The following ECT2 variants were observed in gnomAD, a reference collection of about 807,000 sequenced individuals.
ECT2 encodes epithelial cell transforming 2, also known as protein ECT2.
A neutral mutation model predicts 116.9 loss-of-function variants in ECT2; 61 were observed. The ratio of observed to expected loss-of-function variants is 0.52; its 90% CI spans 0.42 to 0.65. ECT2 has a LOEUF of 0.65. Ranked by LOEUF, ECT2 falls within the 30% of genes least tolerant of loss-of-function variation. ECT2 has a pLI of 0.00. For synonymous variants in ECT2, 358 were observed against 346.4 expected (o/e 1.03, Z -0.37); for missense variants, 937 against 1,078.7 (o/e 0.87, Z 1.84).
rs757872372 is a variant in ECT2 at position 172,754,611 on chromosome 3, T to A, written c.81T>A (p.Thr27=). The A allele has an allele frequency of 2.5e-6, 4 of 1,612,064 alleles. No individual in the cohort carries two copies. The Admixed American group carries it at 5.0e-5, about 20-fold the overall frequency. ...ADSSIFDSKV[T]EISKENLLIG... ...CTTCCATTTTTGATTCTAAAGTTAC[T>A]GAGATTTCCAAGGAAAACTTACTTA... The change falls in exon 2 of 25, where the codon ACT becomes ACA. Residue 27 remains threonine, a synonymous_variant. Coordinates refer to ENST00000392692, the MANE Select transcript of ECT2 (RefSeq NM_001258315.2).
At chr3:172,802,558 GTGTT>G in intron 18 of ECT2, 54 bp from the exon 19 acceptor site, 2 of 1,053,442 alleles carry the variant, frequency 1.9e-6, no homozygotes, top group South Asian at 1.5e-5. Flanking sequence ...GACATGAGTT[GTGTT>G]TGTTGTAGTT....
At chr3:172,789,183 A>T (rs1371356551) in intron 18 of ECT2, among the ~76,000 whole-genome samples, 1 of 148,046 alleles carries the variant, frequency 6.8e-6, no homozygotes, top group Non-Finnish European at 1.5e-5. Flanking sequence ...GAAGGCTGGG[A>T]TGGCTGTGGT....
intron 14 of ECT2, among the ~76,000 whole-genome samples, chr3:172,780,912 G>C (rs890319519): frequency 2.6e-5 from 4 of 151,882 alleles, no homozygotes; most frequent in African/African-American, 9.7e-5. Context: ...GAGTTGTAAG[G>C]GTTCTCTGTA....
At chr3:172,754,024 A>G (rs1015192795) in intron 1 of ECT2, among the ~76,000 whole-genome samples, 2 of 152,148 alleles carry the variant, frequency 1.3e-5, no homozygotes, top group Non-Finnish European at 2.9e-5. Flanking sequence ...CATTGAACGT[A>G]TAGAGAAGGG....
Position 172,768,322 on chromosome 3 carries a change from G to A in ECT2, c.1292-685G>A, listed in dbSNP as rs550615112. ...CAAAGATTCCTATACCTTTTACCCA[G>A]ATTTCCCAAAGGGACATATTCTGCC... On this transcript the variant is annotated intron_variant, in intron 12 of 24. Coordinates refer to ENST00000392692, the MANE Select transcript of ECT2 (RefSeq NM_001258315.2). 2.0e-5 allele frequency among the ~76,000 whole-genome samples: 3 copies of A among 152,016 alleles called. No individual in the cohort carries two copies. The East Asian group carries it at 5.8e-4, about 29-fold the overall frequency.
At chr3:172,759,169 A>T (rs1354983131) in intron 6 of ECT2, 100 bp downstream of exon 6, 1 of 788,868 alleles carries the variant, frequency 1.3e-6, no homozygotes, top group Non-Finnish European at 2.0e-6. Flanking sequence ...TTTTTAAAAT[A>T]TTGAAGGATA....
chr3:172,755,275 A>AACATTTT lies in ECT2; in HGVS notation c.131-11_131-5dup. The AACATTTT allele has an allele frequency of 6.3e-7, 1 of 1,579,412 alleles. No individual in the cohort carries two copies. Among genetic ancestry groups the AACATTTT allele is most frequent in the Non-Finnish European group, 8.6e-7 (1 of 1,166,118 alleles). On this transcript the variant is annotated intron_variant, in intron 2 of 24. Transcript: ENST00000392692. Reference sequence around the variant, plus strand: ...GATGTTAATACATGATAAACATTGAAACATTTTACATTTTAACAGAAGAGA... The same window carrying AACATTTT: ...GATGTTAATACATGATAAACATTGAAACATTTTACATTTTACATTTTAACAGAAGAGA...
intron 18 of ECT2, among the ~76,000 whole-genome samples, chr3:172,799,568 T>C (rs1278875026): frequency 6.6e-6 from 1 of 152,224 alleles, no homozygotes; most frequent in Non-Finnish European, 1.5e-5. Context: ...CTAGTAACTT[T>C]AGCAATATCT....
intron 22 of ECT2, among the ~76,000 whole-genome samples, chr3:172,812,210 A>G (rs964383060): frequency 2.0e-5 from 3 of 152,092 alleles, no homozygotes; most frequent in African/African-American, 7.2e-5. Flanking sequence ...CTGGTCTTGA[A>G]TTTGTGGCTT....
In ECT2 at chr3:172,816,706, T is replaced by C; in HGVS notation, c.2524T>C (p.Ser842Pro). Residue 842 changes from serine to proline, a missense_variant, in exon 24 of 25, where the codon TCT (serine) becomes CCT (proline). Transcript: ENST00000392692. ...KTSKKVTRAF[S>P]FSKTPKRALR... ...TAAACTCTAGGTTACAAGAGCATTC[T>C]CTTTCTCCAAAACTCCAAAAAGAGC... 6.2e-7 allele frequency: 1 copy of C among 1,601,930 alleles called. No individual in the cohort carries two copies. The highest frequency in any genetic ancestry group is 1.1e-5 in the South Asian group (1 of 89,658).
At chr3:172,790,405 G>T (rs1348979107) in intron 18 of ECT2, among the ~76,000 whole-genome samples, 1 of 152,202 alleles carries the variant, frequency 6.6e-6, no homozygotes, top group African/African-American at 2.4e-5. Context: ...GGCCTGCTTT[G>T]TAACACACCA....
chr3:172,760,364 G>A (rs1188842874), intron 7 of ECT2, 101 bp downstream of exon 7: 1 of 595,656 alleles, frequency 1.7e-6, no homozygotes, highest in Admixed American at 3.8e-5. Context: ...AATTAAAGAA[G>A]AGAAACTCAA....
chr3:172,757,707 G>A (rs945900294), intron 5 of ECT2, among the ~76,000 whole-genome samples: 6 of 152,092 alleles, frequency 3.9e-5, no homozygotes, highest in African/African-American at 9.7e-5. Flanking sequence ...GAGCCACTGC[G>A]CCTGGCGTAT....
chr3:172,755,145 A>G, intron 2 of ECT2, 150 bp from the exon 3 acceptor site: 1 of 538,570 alleles, frequency 1.9e-6, no homozygotes, highest in Non-Finnish European at 3.2e-6. Flanking sequence ...TTTTTGTAAT[A>G]AGTTGGGAGT....
At chr3:172,788,145 C>T (rs960338561) in intron 18 of ECT2, among the ~76,000 whole-genome samples, 1 of 152,034 alleles carries the variant, frequency 6.6e-6, no homozygotes, top group Non-Finnish European at 1.5e-5. Flanking sequence ...TCTAAATTCT[C>T]GAGATTCTTG....
At chr3:172,823,451 G>GAC (rs1432962995), downstream of ECT2, among the ~76,000 whole-genome samples, 1 of 152,074 alleles carries the variant, frequency 6.6e-6, no homozygotes, top group Non-Finnish European at 1.5e-5. Flanking sequence ...CTAAATATTT[G>GAC]ACAGTGTTTC....
intron 7 of ECT2, among the ~76,000 whole-genome samples, chr3:172,761,317 C>G (rs1718245186): frequency 6.6e-6 from 1 of 151,936 alleles, no homozygotes; most frequent in Non-Finnish European, 1.5e-5. Flanking sequence ...GAGGGTCATA[C>G]TTTCAAGGAA....
Position 172,807,927 on chromosome 3 carries a change from A to G in ECT2, c.2400+3A>G. On this transcript the variant is annotated splice_donor_region_variant and intron_variant, in intron 22 of 24. Transcript: ENST00000392692. Reference sequence around the variant, plus strand: ...ACACCATTTGTAAAGCAGATGCTGTAAGTTCTTAAAACAGTATTATAATGA... The same window carrying G: ...ACACCATTTGTAAAGCAGATGCTGTGAGTTCTTAAAACAGTATTATAATGA... 6.2e-7 allele frequency: 1 copy of G among 1,612,338 alleles called. No individual in the cohort carries two copies. The highest frequency in any genetic ancestry group is 8.5e-7 in the Non-Finnish European group (1 of 1,179,020).
the ECT2 span, among the ~76,000 whole-genome samples, chr3:172,827,381 G>C: frequency 1.3e-5 from 2 of 152,290 alleles, no homozygotes; most frequent in East Asian, 3.9e-4. Flanking sequence ...ATCAACCTAA[G>C]TGTCCATCAA....
Sources: allele counts gnomAD v4.1 joint callset (sites outside exome capture counted in the v4.1 genomes callset), GRCh38; gene constraint gnomAD v4.1.1; transcripts MANE v1.5; gene names NCBI Gene and HGNC (gene_info 2026-07-23, HGNC 2026-07-21).